ROCK2: variants seen among roughly 807,000 people sequenced by gnomAD.
ROCK2 encodes rho-associated protein kinase 2.
In ROCK2, 61 loss-of-function variants were observed where a neutral mutation model predicts 195.1. The observed-to-expected ratio is 0.31, with a 90% confidence interval of 0.25 to 0.39. The LOEUF (loss-of-function observed/expected upper bound fraction) is 0.39. ROCK2 is among the 10% of genes least tolerant of loss of function. The pLI is 1.00. For synonymous variants in ROCK2, 504 were observed against 545.5 expected (o/e 0.92, Z 1.06); for missense variants, 1,109 against 1,637.4 (o/e 0.68, Z 5.57).
intron 1 of ROCK2, among the ~76,000 whole-genome samples, chr2:11,315,916 G>A (rs1361167738): frequency 6.6e-6 from 1 of 152,110 alleles, no homozygotes; most frequent in African/African-American, 2.4e-5. Context: ...TGTGCTGTCC[G>A]AGATGGTAGC....
chr2:11,321,511 G>A (rs1668398634), intron 1 of ROCK2, among the ~76,000 whole-genome samples: 1 of 151,546 alleles, frequency 6.6e-6, no homozygotes, highest in Non-Finnish European at 1.5e-5. Flanking sequence ...CTGGGTCAGA[G>A]AATGCCAAAT....
At chr2:11,285,166 G>A (rs1178954577) in intron 3 of ROCK2, among the ~76,000 whole-genome samples, 1 of 151,674 alleles carries the variant, frequency 6.6e-6, no homozygotes, top group Non-Finnish European at 1.5e-5. Flanking sequence ...GAAGACTGAG[G>A]CAGGAGAATT....
rs1317381042 is a variant in ROCK2 at position 11,182,344 on chromosome 2, A to T, written c.*1093T>A. 1 of 152,224 alleles carries T rather than the reference A, an allele frequency of 6.6e-6. No homozygotes were observed. Among genetic ancestry groups the T allele is most frequent in the Admixed American group, 6.5e-5 (1 of 15,282 alleles). 9.4% of individuals were successfully genotyped at this position (152,224 alleles called of 1,614,324 possible). ...ATCTTAAGTGTGAAAATGTAATCAC[A>T]AATGTCTTTACCAGGAATAAAAACA... On this transcript the variant is annotated 3_prime_UTR_variant, in exon 33 of 33. Transcript: ENST00000315872.
intron 32 of ROCK2, among the ~76,000 whole-genome samples, chr2:11,188,282 G>C (rs1043167365): frequency 6.6e-6 from 1 of 151,702 alleles, no homozygotes. Flanking sequence ...GCTAATTTTT[G>C]TATTTTTAGT....
chr2:11,293,446 T>TA (rs1271102286), intron 1 of ROCK2, among the ~76,000 whole-genome samples: 1 of 152,210 alleles, frequency 6.6e-6, no homozygotes, highest in East Asian at 1.9e-4. Context: ...TTTAAATAGT[T>TA]AAAGCAAGGC....
At chr2:11,274,668 G>A (rs1666762172) in intron 3 of ROCK2, among the ~76,000 whole-genome samples, 1 of 152,138 alleles carries the variant, frequency 6.6e-6, no homozygotes, top group South Asian at 2.1e-4. Flanking sequence ...GGCTTCACTG[G>A]TGAGTTCTAC....
At chr2:11,186,990 C>A (rs896874303) in intron 32 of ROCK2, among the ~76,000 whole-genome samples, 1 of 152,134 alleles carries the variant, frequency 6.6e-6, no homozygotes, top group African/African-American at 2.4e-5. Flanking sequence ...CCACCATTAA[C>A]AGGGATATAG....
intron 1 of ROCK2, among the ~76,000 whole-genome samples, chr2:11,340,529 T>C (rs888369924): frequency 1.3e-5 from 2 of 152,028 alleles, no homozygotes; most frequent in African/African-American, 2.4e-5. Flanking sequence ...AGTCACAAAT[T>C]TTACACTATA....
chr2:11,342,114 A>C (rs1484875197), intron 1 of ROCK2, among the ~76,000 whole-genome samples: 1 of 152,226 alleles, frequency 6.6e-6, no homozygotes, highest in Non-Finnish European at 1.5e-5. Context: ...TTGTAACAGA[A>C]ACACCAGGAA....
chr2:11,344,194 G>A lies in ROCK2; in HGVS notation c.-58C>T. Reference sequence around the variant, plus strand: ...CGCGCTCAGGTCCCGCAGCCTCGGGGCCTAGCACCGCCCCCGAACCACCAG... The same window carrying A: ...CGCGCTCAGGTCCCGCAGCCTCGGGACCTAGCACCGCCCCCGAACCACCAG... On this transcript the variant is annotated 5_prime_UTR_variant, in exon 1 of 33. Transcript: ENST00000315872. This position sits in a 1 kb window ranked among gnomAD's most constrained non-coding sequence, Gnocchi z 5.4. 1 of 1,355,902 alleles carries A rather than the reference G, an allele frequency of 7.4e-7. No homozygotes were observed. Among genetic ancestry groups the A allele is most frequent in the Non-Finnish European group, 9.5e-7 (1 of 1,058,102 alleles). The allele number at this position is 1,355,902 out of a possible 1,614,324, so 84.0% of individuals were successfully genotyped here. A position where few individuals can be genotyped will look rare whatever the true frequency, so the allele number is the denominator to read the frequency against.
chr2:11,192,368 A>T lies in ROCK2; in HGVS notation c.3950-7T>A, dbSNP rs1663460218. ...GTTGAAATATCATAATATACTATAAAGAAAAATTAGAAAAAAAAATTAATG... is the reference window on the plus strand; with the variant it reads ...GTTGAAATATCATAATATACTATAATGAAAAATTAGAAAAAAAAATTAATG... On this transcript the variant is annotated splice_region_variant and splice_polypyrimidine_tract_variant and intron_variant, in intron 31 of 32. Coordinates refer to ENST00000315872, the MANE Select transcript of ROCK2 (RefSeq NM_004850.5). The surrounding 1 kb of genome is among the most constrained non-coding windows in gnomAD (Gnocchi z 5.0). 1 of 1,595,614 alleles carries T rather than the reference A, an allele frequency of 6.3e-7. No individual in the cohort carries two copies. Among genetic ancestry groups the T allele is most frequent in the Admixed American group, 1.8e-5 (1 of 56,936 alleles).
chr2:11,190,418 G>C (rs1175321626), intron 32 of ROCK2, among the ~76,000 whole-genome samples: 2 of 150,528 alleles, frequency 1.3e-5, no homozygotes, highest in African/African-American at 4.9e-5. Context: ...CTCTCAAATA[G>C]ACCATAATGC....
rs766082679 is a variant in ROCK2, at chr2:11,296,005, G to GGGGAGAGGGGGAGACAGAGA, written c.142-8270_142-8269insTCTCTGTCTCCCCCTCTCCC. Among the ~76,000 whole-genome samples the GGGGAGAGGGGGAGACAGAGA allele has an allele frequency of 6.8e-4, 7 of 10,342 alleles. No homozygotes were observed. The South Asian group carries it at 0.039, about 58-fold the overall frequency. The allele number at this position is 10,342 out of a possible 152,430, so 6.8% of individuals were successfully genotyped here. A position where few individuals can be genotyped will look rare whatever the true frequency, so the allele number is the denominator to read the frequency against. Reference sequence around the variant, plus strand: ...GAGAGAGAGAGGAGAGAGAGAGAGAGGAGAGAGAGAGAGAGAGAGAGAGAG... The same window carrying GGGGAGAGGGGGAGACAGAGA: ...GAGAGAGAGAGGAGAGAGAGAGAGAGGGGAGAGGGGGAGACAGAGAGAGAGAGAGAGAGAGAGAGAGAGAG... On this transcript the variant is annotated intron_variant, in intron 1 of 32. Transcript: ENST00000315872.
intron 20 of ROCK2, among the ~76,000 whole-genome samples, chr2:11,207,152 G>A (rs1195507734): frequency 1.3e-5 from 2 of 152,242 alleles, no homozygotes; most frequent in African/African-American, 4.8e-5. Flanking sequence ...GCTATTCGCA[G>A]GCATGATCAC....
rs374815434 is a variant in ROCK2, at chr2:11,246,317, G to T, written c.462+3344C>A. 1.2e-4 allele frequency among the ~76,000 whole-genome samples: 19 copies of T among 152,116 alleles called. No individual in the cohort carries two copies. The East Asian group carries it at 1.9e-3, about 15-fold the overall frequency. On this transcript the variant is annotated intron_variant, in intron 4 of 32. Coordinates refer to ENST00000315872, the MANE Select transcript of ROCK2 (RefSeq NM_004850.5). ...GCAAAATCTAGGTTTCTTCAACCTG[G>T]GGACAAAAGTAAATGAAAGAAGAGG... is the stretch of plus-strand genomic sequence containing the variant.
rs59721285 is a variant in ROCK2, at chr2:11,335,108, TACACACACACACACACAC to T, written c.141+8870_141+8887del. On this transcript the variant is annotated intron_variant, in intron 1 of 32. Transcript: ENST00000315872. ...AATCCAAATAGTTCCCTTTGACTGA[TACACACACACACACACAC>T]ACACACACACACACACACACACAGA... 4.8e-5 allele frequency among the ~76,000 whole-genome samples: 7 copies of T among 145,122 alleles called. No homozygotes were observed. The South Asian group carries it at 6.7e-4, about 14-fold the overall frequency.
At chr2:11,323,512 T>A (rs1668459333) in intron 1 of ROCK2, among the ~76,000 whole-genome samples, 2 of 152,206 alleles carry the variant, frequency 1.3e-5, no homozygotes, top group African/African-American at 4.8e-5. Flanking sequence ...GACTTTAATA[T>A]AACTTTAATC....
chr2:11,227,524 C>A, intron 5 of ROCK2, 126 bp from the exon 6 acceptor site: 1 of 767,172 alleles, frequency 1.3e-6, no homozygotes, highest in East Asian at 2.7e-5. Context: ...AACTTCACTG[C>A]TGACATGACT....
At chr2:11,286,475 T>C in intron 3 of ROCK2, 64 bp downstream of exon 3, 1 of 1,026,138 alleles carries the variant, frequency 9.7e-7, no homozygotes, top group South Asian at 1.3e-5. Context: ...ACTCAGCTGC[T>C]ATTGATAATG....
Sources: allele counts gnomAD v4.1 joint callset (sites outside exome capture counted in the v4.1 genomes callset), GRCh38; gene constraint gnomAD v4.1.1; non-coding constraint Gnocchi (gnomAD v3.1); transcripts MANE v1.5; gene names NCBI Gene and HGNC (gene_info 2026-07-23, HGNC 2026-07-21).